Variants in SLC24A2 observed in about 807,000 individuals in gnomAD.
The protein encoded by SLC24A2 is sodium/potassium/calcium exchanger 2.
In SLC24A2, 36 loss-of-function variants were observed where a neutral mutation model predicts 62.0. That is an observed-to-expected ratio of 0.58 (90% CI 0.44 to 0.77). SLC24A2 has a LOEUF of 0.77. Ranked by LOEUF, SLC24A2 falls within the 30% of genes least tolerant of loss-of-function variation. The pLI is 0.00. For missense variants in SLC24A2, 846 were observed against 817.9 expected (o/e 1.03, Z -0.42); for synonymous variants, 358 against 294.0 (o/e 1.22, Z -2.23).
chr9:19,845,092 G>T, the SLC24A2 span, among the ~76,000 whole-genome samples: 210 of 151,976 alleles, frequency 1.4e-3, 1 homozygote, highest in African/African-American at 4.9e-3. Flanking sequence ...TGAATCTGTA[G>T]ATTGCTTTGG....
the SLC24A2 span, among the ~76,000 whole-genome samples, chr9:20,274,139 CTT>C: frequency 6.6e-6 from 1 of 152,164 alleles, no homozygotes; most frequent in Non-Finnish European, 1.5e-5. Context: ...TCTCCTGACA[CTT>C]ATATTCTAGT....
chr9:19,783,998 A>G (rs1233829933), intron 2 of SLC24A2, among the ~76,000 whole-genome samples: 2 of 152,242 alleles, frequency 1.3e-5, no homozygotes, highest in African/African-American at 4.8e-5. Context: ...TCAATCAAGT[A>G]AATCTAGAAT....
At chr9:19,524,492 CAGT>C (rs1186834119) in intron 9 of SLC24A2, among the ~76,000 whole-genome samples, 1 of 147,584 alleles carries the variant, frequency 6.8e-6, no homozygotes, top group African/African-American at 2.5e-5. Context: ...TTTTGCCAAA[CAGT>C]AGCCAAATTA....
chr9:19,745,197 G>A (rs1055321130), intron 2 of SLC24A2, among the ~76,000 whole-genome samples: 1 of 152,140 alleles, frequency 6.6e-6, no homozygotes, highest in Non-Finnish European at 1.5e-5. Flanking sequence ...TTAGCCTTCT[G>A]CCATGGTTGA....
At chr9:20,048,009 T>C in the SLC24A2 span, among the ~76,000 whole-genome samples, 1 of 152,168 alleles carries the variant, frequency 6.6e-6, no homozygotes, top group Non-Finnish European at 1.5e-5. Context: ...CAGGATCACA[T>C]GGCATATACA....
intron 2 of SLC24A2, among the ~76,000 whole-genome samples, chr9:19,679,299 C>T (rs1819648173): frequency 6.6e-6 from 1 of 152,140 alleles, no homozygotes; most frequent in Non-Finnish European, 1.5e-5. Flanking sequence ...CCTTGCTCTT[C>T]TGCACCTTAG....
At chr9:19,575,463 A>G (rs1835981616) in intron 6 of SLC24A2, among the ~76,000 whole-genome samples, 1 of 152,260 alleles carries the variant, frequency 6.6e-6, no homozygotes, top group Admixed American at 6.5e-5. Context: ...CCTGCCAGGC[A>G]TAATATCTAA....
the SLC24A2 span, among the ~76,000 whole-genome samples, chr9:19,935,036 T>C: frequency 6.6e-6 from 1 of 151,738 alleles, no homozygotes; most frequent in East Asian, 1.9e-4. Flanking sequence ...ATTTTTATTT[T>C]ATTTATTTAT....
intron 2 of SLC24A2, among the ~76,000 whole-genome samples, chr9:19,663,806 C>A (rs916868519): frequency 6.6e-6 from 1 of 152,164 alleles, no homozygotes; most frequent in African/African-American, 2.4e-5. Context: ...CACAGGAATC[C>A]CAGGGCTGCT....
the SLC24A2 span, among the ~76,000 whole-genome samples, chr9:20,031,075 T>G: frequency 6.6e-6 from 1 of 151,842 alleles, no homozygotes; most frequent in Non-Finnish European, 1.5e-5. Context: ...ATTTAGAATA[T>G]AGAGAGAGAT....
In SLC24A2 at chr9:19,599,857, C is replaced by A. The variant is rs1019716227; in HGVS notation, c.1079-2578G>T. On this transcript the variant is annotated intron_variant, in intron 4 of 10. Transcript: ENST00000341998. This position sits in a 1 kb window ranked among gnomAD's most constrained non-coding sequence, Gnocchi z 4.5. ...AGTCTTGCTGAGAGGACCCGGGAGG[C>A]GCTCACCGGCATAGGAATGTGGCTT... Among the ~76,000 whole-genome samples the A allele has an allele frequency of 6.6e-6, 1 of 152,112 alleles. No homozygotes were observed. Among genetic ancestry groups the A allele is most frequent in the African/African-American group, 2.4e-5 (1 of 41,416 alleles).
chr9:20,176,091 C>A, the SLC24A2 span, among the ~76,000 whole-genome samples: 3 of 151,920 alleles, frequency 2.0e-5, no homozygotes, highest in Non-Finnish European at 4.4e-5. Flanking sequence ...AACACTTGGG[C>A]TTTTTCGTTC....
chr9:20,057,126 C>T, the SLC24A2 span, among the ~76,000 whole-genome samples: 1 of 152,182 alleles, frequency 6.6e-6, no homozygotes, highest in African/African-American at 2.4e-5. Flanking sequence ...CATTTGCATA[C>T]ATCACCTATA....
At chr9:20,004,108 G>A in the SLC24A2 span, among the ~76,000 whole-genome samples, 8 of 152,302 alleles carry the variant, frequency 5.3e-5, no homozygotes, top group East Asian at 1.5e-3. Context: ...TACTGACTAT[G>A]TATAAAACAG....
the SLC24A2 span, among the ~76,000 whole-genome samples, chr9:19,873,654 A>C: frequency 1.3e-5 from 2 of 151,428 alleles, no homozygotes; most frequent in South Asian, 2.1e-4. Flanking sequence ...TCATATTCAG[A>C]AGAGAAGCTT....
chr9:20,221,462 G>A, the SLC24A2 span, among the ~76,000 whole-genome samples: 1 of 152,006 alleles, frequency 6.6e-6, no homozygotes, highest in Non-Finnish European at 1.5e-5. Flanking sequence ...GACTTGTTTT[G>A]AATGATGAGG....
rs755949327 is a variant in SLC24A2 at position 19,585,556 on chromosome 9, T to A, written c.1130-8534A>T. ...CTATGTGTGCTTATGGCTACTAAGA[T>A]GTCATTGCTCCTAGCCTTTCTTAGT... On this transcript the variant is annotated intron_variant, in intron 5 of 10. Coordinates refer to ENST00000341998, the MANE Select transcript of SLC24A2 (RefSeq NM_020344.4). 4.6e-5 allele frequency among the ~76,000 whole-genome samples: 7 copies of A among 152,238 alleles called. 1 individual carries two copies. Among genetic ancestry groups the A allele is most frequent in the Non-Finnish European group, 1.0e-4 (7 of 68,036 alleles).
chr9:19,750,769 C>T (rs1564079591), intron 2 of SLC24A2, among the ~76,000 whole-genome samples: 1 of 152,138 alleles, frequency 6.6e-6, no homozygotes, highest in Non-Finnish European at 1.5e-5. Context: ...TCCAGCTTCT[C>T]GACCATCACT....
intron 2 of SLC24A2, among the ~76,000 whole-genome samples, chr9:19,643,280 T>C (rs796776835): frequency 2.0e-5 from 3 of 152,344 alleles, no homozygotes; most frequent in African/African-American, 7.2e-5. Flanking sequence ...TCTTTCCCAC[T>C]GAACTATCTG....
Sources: gnomAD v4.1 joint callset for allele counts (sites outside exome capture counted in the v4.1 genomes callset) on GRCh38, gnomAD v4.1.1 for gene constraint, Gnocchi (gnomAD v3.1) non-coding constraint, MANE v1.5 for transcripts, NCBI Gene and HGNC (gene_info 2026-07-23, HGNC 2026-07-21) for gene names.